The following MTREX variants were observed in gnomAD, a reference collection of about 807,000 sequenced individuals.
MTREX encodes exosome RNA helicase MTR4.
MTREX carries 76 observed loss-of-function variants against 135.4 expected under a neutral mutation model. The observed-to-expected ratio is 0.56, with a 90% CI of 0.47 to 0.68. MTREX has a LOEUF of 0.68. MTREX is among the 30% of genes least tolerant of loss of function. The pLI, the probability that MTREX is intolerant of heterozygous loss-of-function variation, is 0.00. For synonymous variants in MTREX, 404 were observed against 401.6 expected (o/e 1.01, Z -0.07); for missense variants, 920 against 1,262.1 (o/e 0.73, Z 4.11).
chr5:55,329,522 G>C (rs970284467), intron 5 of MTREX: 20 of 152,008 alleles, frequency 1.3e-4, no homozygotes, highest in Non-Finnish European at 2.5e-4. Flanking sequence ...GATAAGTTAT[G>C]TTTGATCTTG....
chr5:55,419,663 A>G (rs1450037593), intron 25 of MTREX, among the ~76,000 whole-genome samples: 1 of 152,200 alleles, frequency 6.6e-6, no homozygotes, highest in Non-Finnish European at 1.5e-5. Context: ...ACAATATTGT[A>G]CTCTTAACTA....
At chr5:55,380,697 T>C (rs992714697) in intron 18 of MTREX, among the ~76,000 whole-genome samples, 7 of 152,170 alleles carry the variant, frequency 4.6e-5, no homozygotes, top group African/African-American at 1.7e-4. Flanking sequence ...GAGGATTTTT[T>C]ATGCCGTATT....
In MTREX at chr5:55,325,496, TA is replaced by T. The variant is rs533312207; in HGVS notation, c.339+1300del. On this transcript the variant is annotated intron_variant, in intron 3 of 26. Coordinates refer to ENST00000230640, the MANE Select transcript of MTREX (RefSeq NM_015360.5). ...ACAGGTGCGTGCCACCACGCTTGGC[TA>T]ATTTTTTTTTTTTAATTTTTTTTTT... Among the ~76,000 whole-genome samples, 466 of 151,518 alleles carry T rather than the reference TA, an allele frequency of 3.1e-3. 5 individuals carry two copies. The Middle Eastern group carries it at 0.041, about 13-fold the overall frequency.
intron 18 of MTREX, among the ~76,000 whole-genome samples, chr5:55,381,356 C>T (rs1449466831): frequency 6.6e-6 from 1 of 152,044 alleles, no homozygotes; most frequent in Non-Finnish European, 1.5e-5. Context: ...ACTTGAGATA[C>T]CTCTTCTTTT....
At chr5:55,315,718 T>A (rs1749187857) in intron 1 of MTREX, among the ~76,000 whole-genome samples, 1 of 152,102 alleles carries the variant, frequency 6.6e-6, no homozygotes, top group African/African-American at 2.4e-5. Context: ...ACTAGCATTT[T>A]AAAAATAGTC....
At chr5:55,352,185 A>G (rs1189287079) in intron 13 of MTREX, among the ~76,000 whole-genome samples, 1 of 152,038 alleles carries the variant, frequency 6.6e-6, no homozygotes, top group Non-Finnish European at 1.5e-5. Context: ...AGCCTCATAC[A>G]TTATGTTTAA....
At chr5:55,311,316 C>G (rs1323267134) in intron 1 of MTREX, among the ~76,000 whole-genome samples, 1 of 151,994 alleles carries the variant, frequency 6.6e-6, no homozygotes, top group Non-Finnish European at 1.5e-5. Flanking sequence ...TCGTTAAATA[C>G]TGAATCTGCA....
Position 55,397,428 on chromosome 5 carries a change from T to C in MTREX, c.2194T>C (p.Leu732=). 1 of 1,608,500 alleles carries C rather than the reference T, an allele frequency of 6.2e-7. No individual in the cohort carries two copies. The highest frequency in any genetic ancestry group is 8.5e-7 in the Non-Finnish European group (1 of 1,176,172). Residue 732 remains leucine, a synonymous_variant, in exon 20 of 27, where the codon TTG becomes CTG. Coordinates refer to ENST00000230640, the MANE Select transcript of MTREX (RefSeq NM_015360.5). The part of the protein sequence containing the change: ...EKGEMQVVPV[L]VHLLSAISSV... ...TTTTTGGTCATAGGTTGTCCCAGTTTTGGTGCATCTCCTGTCTGCTATCAG... is the reference window on the plus strand; with the variant it reads ...TTTTTGGTCATAGGTTGTCCCAGTTCTGGTGCATCTCCTGTCTGCTATCAG...
At chr5:55,326,939 A>C (rs1749388534) in intron 3 of MTREX, among the ~76,000 whole-genome samples, 1 of 152,202 alleles carries the variant, frequency 6.6e-6, no homozygotes, top group Non-Finnish European at 1.5e-5. Context: ...ACGAGTGAGA[A>C]CATGGCAGTG....
At chr5:55,343,602 TTA>T (rs2112060407) in intron 8 of MTREX, 147 bp downstream of exon 8, 1 of 692,482 alleles carries the variant, frequency 1.4e-6, no homozygotes, top group South Asian at 2.3e-5. Context: ...ATCAAGCAGC[TTA>T]TCAAAATCAA....
At chr5:55,337,065 C>T (rs1749565996) in intron 5 of MTREX, among the ~76,000 whole-genome samples, 1 of 152,044 alleles carries the variant, frequency 6.6e-6, no homozygotes. Flanking sequence ...ATTTTTAATT[C>T]CTAATTTAAT....
Position 55,358,702 on chromosome 5 carries a change from A to G in MTREX, c.1659+4A>G. On this transcript the variant is annotated splice_donor_region_variant and intron_variant, in intron 15 of 26. Coordinates refer to ENST00000230640, the MANE Select transcript of MTREX (RefSeq NM_015360.5). ...AATTGGAAAACAATTACTTAAGGTA[A>G]CTACATTAAGATTGTGTACCTTTAC... The G allele has an allele frequency of 6.3e-7, 1 of 1,588,136 alleles. No individual in the cohort carries two copies. The highest frequency in any genetic ancestry group is 8.5e-7 in the Non-Finnish European group (1 of 1,171,996).
Position 55,308,078 on chromosome 5 carries a change from G to A in MTREX, c.65G>A (p.Gly22Glu). The A allele has an allele frequency of 6.2e-7, 1 of 1,613,490 alleles. No homozygotes were observed. Among genetic ancestry groups the A allele is most frequent in the East Asian group, 2.2e-5 (1 of 44,858 alleles). Residue 22 changes from glycine to glutamate, a missense_variant, in exon 1 of 27, where the codon GGA (glycine) becomes GAA (glutamate). Around this residue, in one of 6 missense-constraint regions of MTREX, gnomAD observed 136 missense variants for 126.7 expected, o/e 1.07. Transcript: ENST00000230640. ...GAGGGCGACTCGACCACTGCGGCGGGAACCAAAAAAGACAAGGAAAAGGAC... is the reference window on the plus strand; with the variant it reads ...GAGGGCGACTCGACCACTGCGGCGGAAACCAAAAAAGACAAGGAAAAGGAC... ...VFEGDSTTAA[G>E]TKKDKEKDKG...
Position 55,351,008 on chromosome 5 carries a change from C to G in MTREX, c.1410C>G (p.Leu470=). 4 of 1,604,596 alleles carry G rather than the reference C, an allele frequency of 2.5e-6. No individual in the cohort carries two copies. Among genetic ancestry groups the G allele is most frequent in the Non-Finnish European group, 3.4e-6 (4 of 1,177,618 alleles). The change falls in exon 13 of 27, where the codon CTC becomes CTG. Residue 470 remains leucine (L), a synonymous_variant. Coordinates refer to ENST00000230640, the MANE Select transcript of MTREX (RefSeq NM_015360.5). ...TTTTGAAAGAAACTATAGAAATTCT[C>G]TTTTCTGAAGGATTGATAAAGGTAT... ...LPILKETIEI[L]FSEGLIKALF...
intron 14 of MTREX, among the ~76,000 whole-genome samples, chr5:55,355,966 G>C (rs1488828262): frequency 1.3e-5 from 2 of 152,254 alleles, no homozygotes; most frequent in Non-Finnish European, 1.5e-5. Flanking sequence ...TTCTGGGGAA[G>C]AGTCAAAGGG....
intron 5 of MTREX, among the ~76,000 whole-genome samples, chr5:55,338,502 G>A (rs191111467): frequency 6.7e-6 from 1 of 150,276 alleles, no homozygotes; most frequent in African/African-American, 2.4e-5. Context: ...TTTTCATGCT[G>A]TGTTAATTGA....
intron 1 of MTREX, among the ~76,000 whole-genome samples, chr5:55,309,222 A>C (rs1166756197): frequency 6.6e-6 from 1 of 152,150 alleles, no homozygotes; most frequent in Middle Eastern, 3.2e-3. Context: ...AAGAGATAAG[A>C]CTGGGAATAT....
intron 18 of MTREX, among the ~76,000 whole-genome samples, chr5:55,379,573 GACACACACACACACACAC>G (rs60169736): frequency 2.4e-4 from 34 of 143,900 alleles, no homozygotes; most frequent in African/African-American, 8.8e-4. Flanking sequence ...AAATCTCCCT[GACACACACACACACACAC>G]ACACACACAC....
chr5:55,417,197 C>G (rs1453028351), intron 25 of MTREX, among the ~76,000 whole-genome samples: 1 of 152,132 alleles, frequency 6.6e-6, no homozygotes, highest in Non-Finnish European at 1.5e-5. Context: ...CAAACAGTCC[C>G]AAAGCATCCT....
Sources: allele counts gnomAD v4.1 joint callset (sites outside exome capture counted in the v4.1 genomes callset), GRCh38; gene constraint gnomAD v4.1.1; regional missense constraint gnomAD v4.1.1; transcripts MANE v1.5; gene names NCBI Gene and HGNC (gene_info 2026-07-23, HGNC 2026-07-21).